LNX2: variants seen among roughly 807,000 people sequenced by gnomAD.
LNX2 encodes ligand of Numb protein X 2.
A neutral mutation model predicts 66.2 loss-of-function variants in LNX2; 35 were observed. That is an observed-to-expected ratio of 0.53 (90% CI 0.40 to 0.70). LNX2 has a LOEUF of 0.70. Among genes scored for constraint, LNX2 ranks in the 30% least tolerant of loss-of-function variants. The pLI, the probability that LNX2 is intolerant of heterozygous loss-of-function variation, is 0.00. For synonymous variants in LNX2, 337 were observed against 315.6 expected, an observed-to-expected ratio of 1.07 and a Z score of -0.72; for missense variants, 791 against 850.8, an observed-to-expected ratio of 0.93 and a Z score of 0.87.
intron 5 of LNX2, among the ~76,000 whole-genome samples, chr13:27,560,877 T>C (rs1404197639): frequency 6.6e-6 from 1 of 152,162 alleles, no homozygotes; most frequent in African/African-American, 2.4e-5. Context: ...CCCATGATTA[T>C]AGTCAATAAT....
chr13:27,561,503 C>T (rs562180971), intron 5 of LNX2, among the ~76,000 whole-genome samples: 1 of 152,224 alleles, frequency 6.6e-6, no homozygotes, highest in Admixed American at 6.5e-5. Context: ...TTAAGGCATC[C>T]AATTTCTTTA....
intron 2 of LNX2, among the ~76,000 whole-genome samples, chr13:27,578,346 A>C (rs1298974709): frequency 6.6e-6 from 1 of 152,228 alleles, no homozygotes; most frequent in Non-Finnish European, 1.5e-5. Flanking sequence ...ATTTCAATGA[A>C]ACTTACAGAC....
In LNX2 at chr13:27,581,489, T is replaced by C. The variant is rs1321629025; in HGVS notation, c.215A>G (p.Lys72Arg). The part of the protein sequence containing the change: ...DTPCGHTFCY[K>R]CLRNFLQEKD... ...CTCTTGTAAAAAGTTTCTGAGGCAC[T>C]TGTAGCAGAATGTATGTCCACAGGG... Residue 72 changes from lysine (K) to arginine (R), a missense_variant, in exon 2 of 10, where the codon AAG (lysine) becomes AGG (arginine). Physicochemically the swap from Lys to Arg is conservative, Grantham distance 26. Coordinates refer to ENST00000316334, the MANE Select transcript of LNX2 (RefSeq NM_153371.4). The C allele has an allele frequency of 3.7e-6, 6 of 1,612,260 alleles. No homozygotes were observed. The highest frequency in any genetic ancestry group is 1.3e-5 in the African/African-American group (1 of 74,906).
At chr13:27,571,055 T>C (rs1329755095) in intron 2 of LNX2, among the ~76,000 whole-genome samples, 1 of 152,164 alleles carries the variant, frequency 6.6e-6, no homozygotes, top group Non-Finnish European at 1.5e-5. Context: ...AAGAAAAATA[T>C]TAAAAATGAC....
intron 1 of LNX2, among the ~76,000 whole-genome samples, chr13:27,603,266 T>C (rs568901875): frequency 1.3e-5 from 2 of 152,350 alleles, no homozygotes; most frequent in South Asian, 4.1e-4. Context: ...TAAAATCTAA[T>C]TCTCATTTGC....
intron 8 of LNX2, 56 bp downstream of exon 8, chr13:27,553,152 T>G (rs1955024025): frequency 6.9e-7 from 1 of 1,438,966 alleles, no homozygotes; most frequent in African/African-American, 1.4e-5. Context: ...TACACACTGA[T>G]AAGGGCTGCA....
At chr13:27,613,093 CA>C (rs1221058657) in intron 1 of LNX2, among the ~76,000 whole-genome samples, 1 of 151,966 alleles carries the variant, frequency 6.6e-6, no homozygotes, top group Non-Finnish European at 1.5e-5. Context: ...TTGGTGATAC[CA>C]AAGCAATGTG....
At chr13:27,550,078 T>C (rs1566113455) in intron 9 of LNX2, among the ~76,000 whole-genome samples, 1 of 152,116 alleles carries the variant, frequency 6.6e-6, no homozygotes, top group Non-Finnish European at 1.5e-5. Flanking sequence ...GATTGGCAAA[T>C]TTTTTCCGTA....
intron 1 of LNX2, among the ~76,000 whole-genome samples, chr13:27,604,856 T>C (rs1955697031): frequency 3.3e-5 from 2 of 60,160 alleles, no homozygotes; most frequent in African/African-American, 1.4e-4. Flanking sequence ...TTCTATTTAA[T>C]TTTTTTTTTT....
chr13:27,576,097 A>G (rs1222132152), intron 2 of LNX2, among the ~76,000 whole-genome samples: 1 of 152,252 alleles, frequency 6.6e-6, no homozygotes, highest in Non-Finnish European at 1.5e-5. Flanking sequence ...TTCAGATTCA[A>G]AGACATAAAT....
chr13:27,572,505 G>A (rs1410285269), intron 2 of LNX2, among the ~76,000 whole-genome samples: 1 of 152,222 alleles, frequency 6.6e-6, no homozygotes, highest in East Asian at 1.9e-4. Context: ...GGAGGGATCT[G>A]TACATGTAGG....
In LNX2 at chr13:27,546,333, A is replaced by C. The variant is rs1288815521; in HGVS notation, c.*2002T>G. The C allele has an allele frequency of 2.6e-5, 4 of 152,234 alleles. No homozygotes were observed. Among genetic ancestry groups the C allele is most frequent in the South Asian group, 2.1e-4 (1 of 4,834 alleles). 9.4% of individuals were successfully genotyped at this position (152,234 alleles called of 1,614,324 possible). A position where few individuals can be genotyped will look rare whatever the true frequency, so the allele number is the denominator to read the frequency against. Reference sequence around the variant, plus strand: ...TTCTTACAAACTTTAAAAAAATAGCAAAGTTGGTTACAAAATTCTATTTGG... The same window carrying C: ...TTCTTACAAACTTTAAAAAAATAGCCAAGTTGGTTACAAAATTCTATTTGG... On this transcript the variant is annotated 3_prime_UTR_variant, in exon 10 of 10. Coordinates refer to ENST00000316334, the MANE Select transcript of LNX2 (RefSeq NM_153371.4).
intron 2 of LNX2, among the ~76,000 whole-genome samples, chr13:27,573,259 T>A (rs1955303877): frequency 6.6e-6 from 1 of 152,126 alleles, no homozygotes; most frequent in Non-Finnish European, 1.5e-5. Context: ...AAAGCCCTAT[T>A]CCCAGAGATC....
chr13:27,602,218 C>T (rs769665801), intron 1 of LNX2, among the ~76,000 whole-genome samples: 3 of 152,120 alleles, frequency 2.0e-5, no homozygotes, highest in Non-Finnish European at 4.4e-5. Context: ...GCTGGGATTA[C>T]AGGCATGTAC....
At chr13:27,606,378 G>GA (rs61005685) in intron 1 of LNX2, among the ~76,000 whole-genome samples, 70,556 of 117,794 alleles carry the variant, frequency 0.6, 19,561 homozygotes, top group Admixed American at 0.65. Flanking sequence ...GATTTATAGC[G>GA]AAAAAAAAAA....
chr13:27,611,476 C>G (rs1955772277), intron 1 of LNX2, among the ~76,000 whole-genome samples: 1 of 152,158 alleles, frequency 6.6e-6, no homozygotes, highest in African/African-American at 2.4e-5. Flanking sequence ...TTAATGGGTA[C>G]AGAGCTTCAG....
chr13:27,595,760 AT>A (rs1955590123), intron 1 of LNX2, among the ~76,000 whole-genome samples: 1 of 152,070 alleles, frequency 6.6e-6, no homozygotes. Context: ...TGTTTCCAAT[AT>A]TTGTTAGTCT....
At position 27,553,332 on chromosome 13, in the gene LNX2, C is replaced by T; in HGVS notation, c.1654G>A (p.Ala552Thr). ...SAASPAVALKALEVQIVEEAT... is the reference protein window; with the variant it reads ...SAASPAVALKTLEVQIVEEAT... ...TCCTCAACAATCTGGACCTCAAGTGCTTTAAGGGCAACAGCAGGGGACGCG... is the reference window on the plus strand; with the variant it reads ...TCCTCAACAATCTGGACCTCAAGTGTTTTAAGGGCAACAGCAGGGGACGCG... Residue 552 changes from alanine to threonine, a missense_variant, in exon 8 of 10, where the codon GCA (alanine) becomes ACA (threonine). By Grantham distance (58) the Ala-to-Thr change is moderately conservative. Coordinates refer to ENST00000316334, the MANE Select transcript of LNX2 (RefSeq NM_153371.4). 1 of 1,614,184 alleles carries T rather than the reference C, an allele frequency of 6.2e-7. No homozygotes were observed. The highest frequency in any genetic ancestry group is 1.1e-5 in the South Asian group (1 of 91,080).
At chr13:27,612,054 T>G (rs970070211) in intron 1 of LNX2, among the ~76,000 whole-genome samples, 2 of 152,162 alleles carry the variant, frequency 1.3e-5, no homozygotes, top group African/African-American at 4.8e-5. Context: ...GATCTGAGAC[T>G]TAAGTAGGTA....
Sources: allele counts gnomAD v4.1 joint callset (sites outside exome capture counted in the v4.1 genomes callset), GRCh38; gene constraint gnomAD v4.1.1; transcripts MANE v1.5; gene names NCBI Gene and HGNC (gene_info 2026-07-23, HGNC 2026-07-21).